KMT2A: variants seen among roughly 807,000 people sequenced by gnomAD.
KMT2A encodes histone-lysine N-methyltransferase 2A.
Under a neutral mutation model 345.3 loss-of-function variants are expected in KMT2A, and 16 were observed. The observed-to-expected ratio is 0.05, with a 90% CI of 0.03 to 0.07. KMT2A has a LOEUF of 0.07. KMT2A is among the 10% of genes least tolerant of loss of function. The pLI is 1.00. For missense variants in KMT2A, 3,272 were observed against 4,841.6 expected, an observed-to-expected ratio of 0.68 and a Z score of 9.62; for synonymous variants, 1,599 against 1,778.6, an observed-to-expected ratio of 0.90 and a Z score of 2.54.
At position 118,509,060 on chromosome 11, in the gene KMT2A, G is replaced by A. The variant is rs1489435993; in HGVS notation, c.10836-76G>A. ...AGCAGTTATTTTGTATACCACAGCT[G>A]TATAGAAAATTCTGGGTTTTTTCTT... On this transcript the variant is annotated intron_variant, in intron 28 of 35. Transcript: ENST00000534358. 5.7e-6 allele frequency: 7 copies of A among 1,232,576 alleles called. No individual in the cohort carries two copies. The African/African-American group carries it at 1.1e-4, about 19-fold the overall frequency. The allele number at this position is 1,232,576 out of a possible 1,614,324, so 76.4% of individuals were successfully genotyped here.
chr11:118,441,456 A>G (rs1949312433), intron 1 of KMT2A, among the ~76,000 whole-genome samples: 1 of 152,240 alleles, frequency 6.6e-6, no homozygotes, highest in African/African-American at 2.4e-5. Flanking sequence ...GAGAACCTAC[A>G]GAATCCCAGG....
At position 118,503,353 on chromosome 11, in the gene KMT2A, T is replaced by G. The variant is rs782462305; in HGVS notation, c.7461T>G (p.Ser2487=). 5 of 1,614,138 alleles carry G rather than the reference T, an allele frequency of 3.1e-6. No homozygotes were observed. The highest frequency in any genetic ancestry group is 4.2e-6 in the Non-Finnish European group (5 of 1,180,012). Residue 2487 remains serine (S), a synonymous_variant, in exon 27 of 36, where the codon TCT becomes TCG. Transcript: ENST00000534358. The surrounding 1 kb of genome is among the most constrained non-coding windows in gnomAD (Gnocchi z 5.3). ...AACGACCATGTAACAATGTTTCTTCTGATAAGATTGGTGATAAAGGCCTTT... is the reference window on the plus strand; with the variant it reads ...AACGACCATGTAACAATGTTTCTTCGGATAAGATTGGTGATAAAGGCCTTT... ...MGQRPCNNVS[S]DKIGDKGLSM... is the part of the protein sequence containing the mutation.
At chr11:118,465,671 A>T (rs1385205468) in intron 1 of KMT2A, among the ~76,000 whole-genome samples, 1 of 152,190 alleles carries the variant, frequency 6.6e-6, no homozygotes, top group Non-Finnish European at 1.5e-5. Context: ...CACTGGCATC[A>T]CGTATGAGAA....
intron 1 of KMT2A, among the ~76,000 whole-genome samples, chr11:118,444,420 T>C (rs1393920413): frequency 2.0e-5 from 3 of 152,230 alleles, no homozygotes; most frequent in African/African-American, 7.2e-5. Flanking sequence ...CATATATAAA[T>C]ACCTTTACAG....
rs2134395678 is a variant in KMT2A, at chr11:118,503,863, G to A, written c.7971G>A (p.Lys2657=). Residue 2657 remains lysine (K), a synonymous_variant, in exon 27 of 36, where the codon AAG becomes AAA. Transcript: ENST00000534358. The surrounding 1 kb of genome is among the most constrained non-coding windows in gnomAD (Gnocchi z 5.3). Reference sequence around the variant, plus strand: ...CATTCTACAGCAGCTCAACTGGGAAGAAGCGAGGCAAGAGATCAGCTGAAG... The same window carrying A: ...CATTCTACAGCAGCTCAACTGGGAAAAAGCGAGGCAAGAGATCAGCTGAAG... ...DIPFYSSSTG[K]KRGKRSAEGQ... The A allele has an allele frequency of 1.2e-6, 2 of 1,614,256 alleles. No individual in the cohort carries two copies. The highest frequency in any genetic ancestry group is 1.7e-6 in the Non-Finnish European group (2 of 1,180,040).
At chr11:118,449,713 A>G (rs1316645054) in intron 1 of KMT2A, 1 of 152,116 alleles carries the variant, frequency 6.6e-6, no homozygotes, top group Non-Finnish European at 1.5e-5. Flanking sequence ...AACTGACTTT[A>G]TGGAGAGATA....
chr11:118,500,212 C>T (rs1231083024), intron 24 of KMT2A, among the ~76,000 whole-genome samples: 1 of 152,160 alleles, frequency 6.6e-6, no homozygotes, highest in African/African-American at 2.4e-5. Flanking sequence ...CATCTCCATG[C>T]AGAAGTGCAG....
rs1950509570 is a variant in KMT2A, at chr11:118,502,078, C to A, written c.6505+221C>A. Reference sequence around the variant, plus strand: ...GACCAGCCTGGCCAACATGGTGAAACCCTATCTCTACTAAAAATTCAAAAA... The same window carrying A: ...GACCAGCCTGGCCAACATGGTGAAAACCTATCTCTACTAAAAATTCAAAAA... On this transcript the variant is annotated intron_variant, in intron 26 of 35. Transcript: ENST00000534358. The surrounding 1 kb of genome is among the most constrained non-coding windows in gnomAD (Gnocchi z 4.9). 6.6e-6 allele frequency among the ~76,000 whole-genome samples: 1 copy of A among 151,946 alleles called. No individual in the cohort carries two copies. The highest frequency in any genetic ancestry group is 6.6e-5 in the Admixed American group (1 of 15,258).
rs2134398730 is a variant in KMT2A, at chr11:118,504,339, G to A, written c.8447G>A (p.Ser2816Asn). Residue 2816 changes from serine (S) to asparagine (N), a missense_variant, in exon 27 of 36, where the codon AGT becomes AAT. Ser to Asn is a conservative substitution (Grantham distance 46). Transcript: ENST00000534358. This position sits in a 1 kb window ranked among gnomAD's most constrained non-coding sequence, Gnocchi z 6.4. ...GAGTCAAGCCGCAGAGTCCACACAA[G>A]TACCCCCTCCGACAAAAATTTACTG... ...SLESSRRVHTSTPSDKNLLDT... is the reference protein window; with the variant it reads ...SLESSRRVHTNTPSDKNLLDT... 1.2e-6 allele frequency: 2 copies of A among 1,614,138 alleles called. No homozygotes were observed. Among genetic ancestry groups the A allele is most frequent in the South Asian group, 1.1e-5 (1 of 91,084 alleles).
chr11:118,463,566 G>C (rs1245586715), intron 1 of KMT2A, among the ~76,000 whole-genome samples: 2 of 152,104 alleles, frequency 1.3e-5, no homozygotes. Flanking sequence ...TTGTACTTTA[G>C]ACAACTTATT....
chr11:118,476,797 A>G lies in KMT2A; in HGVS notation c.3157-8A>G, dbSNP rs1950046194. The stretch of plus-strand genomic sequence containing the variant: ...GTTGTTATTGTTTTTGGATTGCCTC[A>G]TATTCAGGGTCAAGAAAGTGACTCA... On this transcript the variant is annotated splice_polypyrimidine_tract_variant and splice_region_variant and intron_variant, in intron 3 of 35. Coordinates refer to ENST00000534358, the MANE Select transcript of KMT2A (RefSeq NM_001197104.2). This position sits in a 1 kb window ranked among gnomAD's most constrained non-coding sequence, Gnocchi z 4.1. 2.5e-6 allele frequency: 4 copies of G among 1,597,706 alleles called. No individual in the cohort carries two copies. Among genetic ancestry groups the G allele is most frequent in the Non-Finnish European group, 3.4e-6 (4 of 1,168,090 alleles).
In KMT2A at chr11:118,436,604, C is replaced by CGCGGCAACGCGTCCCGGCCCT; in HGVS notation, c.95_115dup (p.Arg32_Leu38dup). 1 of 1,162,154 alleles carries CGCGGCAACGCGTCCCGGCCCT rather than the reference C, an allele frequency of 8.6e-7. No homozygotes were observed. Among genetic ancestry groups the CGCGGCAACGCGTCCCGGCCCT allele is most frequent in the Non-Finnish European group, 1.1e-6 (1 of 938,562 alleles). 72.0% of individuals were successfully genotyped at this position (1,162,154 alleles called of 1,614,324 possible). On this transcript the variant is annotated inframe_insertion, in exon 1 of 36. Coordinates refer to ENST00000534358, the MANE Select transcript of KMT2A (RefSeq NM_001197104.2). This position sits in a 1 kb window ranked among gnomAD's most constrained non-coding sequence, Gnocchi z 6.9. Reference sequence around the variant, plus strand: ...GGGCGCCGGGGCCTAGGGGGCGCCCCGCGGCAACGCGTCCCGGCCCTGCTG... The same window carrying CGCGGCAACGCGTCCCGGCCCT: ...GGGCGCCGGGGCCTAGGGGGCGCCCCGCGGCAACGCGTCCCGGCCCTGCGGCAACGCGTCCCGGCCCTGCTG...
chr11:118,501,185 C>T, intron 25 of KMT2A, 38 bp downstream of exon 25: 1 of 1,593,602 alleles, frequency 6.3e-7, no homozygotes, highest in Non-Finnish European at 8.6e-7. Context: ...AGGCTGGGCA[C>T]AGTGGCTCAC....
intron 1 of KMT2A, among the ~76,000 whole-genome samples, chr11:118,457,553 G>A (rs1949669972): frequency 6.6e-6 from 1 of 151,864 alleles, no homozygotes; most frequent in Non-Finnish European, 1.5e-5. Flanking sequence ...TTACAGGTGT[G>A]AGCCACCATG....
rs1294605277 is a variant in KMT2A, at chr11:118,506,554, T to A, written c.10662T>A (p.Asn3554Lys). Residue 3554 changes from asparagine to lysine, a missense_variant, in exon 27 of 36, where the codon AAT becomes AAA. By Grantham distance (94) the Asn-to-Lys change is moderately conservative. Coordinates refer to ENST00000534358, the MANE Select transcript of KMT2A (RefSeq NM_001197104.2). Reference protein sequence around the residue: ...KRFQLPLDKGNGKKHKVSHLR... With the variant: ...KRFQLPLDKGKGKKHKVSHLR... ...TTCAGCTGCCTCTAGACAAAGGGAA[T>A]GGCAAGAAGCACAAAGTTTCCCATT... The A allele has an allele frequency of 6.2e-7, 1 of 1,614,188 alleles. No homozygotes were observed. Among genetic ancestry groups the A allele is most frequent in the Admixed American group, 1.7e-5 (1 of 60,022 alleles).
rs1555047713 is a variant in KMT2A at position 118,505,365 on chromosome 11, C to G, written c.9473C>G (p.Pro3158Arg). Residue 3158 changes from proline to arginine, a missense_variant, in exon 27 of 36, where the codon CCC becomes CGC. By Grantham distance (103) the Pro-to-Arg change is moderately radical. Around this residue, in one of 27 missense-constraint regions of KMT2A, gnomAD observed 748 missense variants for 922.2 expected, o/e 0.81. Coordinates refer to ENST00000534358, the MANE Select transcript of KMT2A (RefSeq NM_001197104.2). The surrounding 1 kb of genome is among the most constrained non-coding windows in gnomAD (Gnocchi z 4.6). Reference sequence around the variant, plus strand: ...CCTTCTGCTAGCAAAGGATTGCTACCCATGTCTCATCACCAGCACTTACAT... The same window carrying G: ...CCTTCTGCTAGCAAAGGATTGCTACGCATGTCTCATCACCAGCACTTACAT... ...LFPSASKGLL[P>R]MSHHQHLHSF... 1.2e-6 allele frequency: 2 copies of G among 1,614,112 alleles called. No individual in the cohort carries two copies. The highest frequency in any genetic ancestry group is 1.7e-6 in the Non-Finnish European group (2 of 1,180,000).
chr11:118,500,267 A>G (rs1302557853), intron 24 of KMT2A, among the ~76,000 whole-genome samples: 2 of 152,194 alleles, frequency 1.3e-5, no homozygotes. Flanking sequence ...TCCCAACTTT[A>G]CAGTTTATAA....
rs1555037438 is a variant in KMT2A at position 118,476,056 on chromosome 11, C to G, written c.3157-749C>G. Among the ~76,000 whole-genome samples, 3 of 152,108 alleles carry G rather than the reference C, an allele frequency of 2.0e-5. No homozygotes were observed. Among genetic ancestry groups the G allele is most frequent in the African/African-American group, 7.2e-5 (3 of 41,448 alleles). On this transcript the variant is annotated intron_variant, in intron 3 of 35. Transcript: ENST00000534358. The surrounding 1 kb of genome is among the most constrained non-coding windows in gnomAD (Gnocchi z 4.1). Reference sequence around the variant, plus strand: ...AAGTAGCTGGGATTACGGGCATGCACCACCACGCCCAGCTAATTTTGTATT... The same window carrying G: ...AAGTAGCTGGGATTACGGGCATGCAGCACCACGCCCAGCTAATTTTGTATT...
intron 1 of KMT2A, among the ~76,000 whole-genome samples, chr11:118,456,616 G>T (rs931438635): frequency 1.8e-4 from 28 of 152,174 alleles, no homozygotes; most frequent in African/African-American, 6.8e-4. Context: ...AGGATTACAG[G>T]CATGAGCCGC....
Sources: gnomAD v4.1 joint callset for allele counts (sites outside exome capture counted in the v4.1 genomes callset) on GRCh38, gnomAD v4.1.1 for gene constraint, gnomAD v4.1.1 regional missense constraint, Gnocchi (gnomAD v3.1) non-coding constraint, MANE v1.5 for transcripts, NCBI Gene and HGNC (gene_info 2026-07-23, HGNC 2026-07-21) for gene names.